Variants in C15orf40 observed in about 807,000 individuals in gnomAD.
The protein encoded by C15orf40 is UPF0235 protein C15orf40.
C15orf40 carries 9 observed loss-of-function variants against 13.9 expected under a neutral mutation model. That is an observed-to-expected ratio of 0.65 (90% CI 0.39 to 1.13). The LOEUF is 1.13. Ranked by LOEUF, C15orf40 falls within the 50% of genes most tolerant of loss-of-function variation. The probability of loss-of-function intolerance (pLI) is 0.01; values close to 1 mark genes in which losing one functional copy is unlikely to be tolerated. For synonymous variants in C15orf40, 95 were observed against 69.2 expected, an observed-to-expected ratio of 1.37 and a Z score of -1.85; for missense variants, 225 against 188.5, an observed-to-expected ratio of 1.19 and a Z score of -1.13.
intron 1 of C15orf40, 86 bp from the exon 2 acceptor site, chr15:83,010,449 T>C: frequency 1.3e-6 from 2 of 1,511,564 alleles, no homozygotes; most frequent in Non-Finnish European, 1.8e-6. Flanking sequence ...CCTTTCACCC[T>C]TAACAGACAA....
chr15:83,001,148 G>A lies in C15orf40; in HGVS notation c.*4449C>T. 2 of 985,458 alleles carry A rather than the reference G, an allele frequency of 2.0e-6. No homozygotes were observed. Among genetic ancestry groups the A allele is most frequent in the Non-Finnish European group, 2.4e-6 (2 of 829,962 alleles). The allele number at this position is 985,458 out of a possible 1,614,324, so 61.0% of individuals were successfully genotyped here. ...TGCAAAGGTTCCACCTTCATCCTCT[G>A]GTTATTGCTGTCCCTCCCCTAACCG... On this transcript the variant is annotated 3_prime_UTR_variant, in exon 4 of 4. Transcript: ENST00000304177.
In C15orf40 at chr15:83,004,642, C is replaced by A; in HGVS notation, c.*955G>T. On this transcript the variant is annotated 3_prime_UTR_variant, in exon 4 of 4. Coordinates refer to ENST00000304177, the MANE Select transcript of C15orf40 (RefSeq NM_144597.3). ...GGAAGATGAAAATTCAGTGACTTCT[C>A]AAAAATTATAATTCACATTTAATTA... 1.1e-6 allele frequency: 1 copy of A among 904,942 alleles called. No homozygotes were observed. Among genetic ancestry groups the A allele is most frequent in the Non-Finnish European group, 1.3e-6 (1 of 755,656 alleles). 56.1% of individuals were successfully genotyped at this position (904,942 alleles called of 1,614,324 possible).
In C15orf40 at chr15:83,008,695, G is replaced by A; in HGVS notation, c.239-20C>T. Reference sequence around the variant, plus strand: ...TCAAATCTGGAATGAAAATAGTGTGGACTTTATCCTTAAGGAGTTCTTTTT... The same window carrying A: ...TCAAATCTGGAATGAAAATAGTGTGAACTTTATCCTTAAGGAGTTCTTTTT... On this transcript the variant is annotated intron_variant, in intron 2 of 3. Coordinates refer to ENST00000304177, the MANE Select transcript of C15orf40 (RefSeq NM_144597.3). The A allele has an allele frequency of 1.6e-5, 25 of 1,580,846 alleles. No individual in the cohort carries two copies. Among genetic ancestry groups the A allele is most frequent in the African/African-American group, 2.7e-5 (2 of 73,058 alleles).
At position 83,005,670 on chromosome 15, in the gene C15orf40, AC is replaced by A. The variant is rs1427608084; in HGVS notation, c.388del (p.Val130TrpfsTer2). 4 of 1,612,150 alleles carry A rather than the reference AC, an allele frequency of 2.5e-6. No individual in the cohort carries two copies. The highest frequency in any genetic ancestry group is 3.4e-6 in the Non-Finnish European group (4 of 1,179,264). Reference protein sequence around the residue: ...LDKGGKSREKVVKLLASTTPE... With the variant: ...LDKGGKSREKXVKLLASTTPE... ...AGTTGTAGAAGCCAAAAGCTTCACC[AC>A]CTTTTCACGAGATTTACCACCCTGG... On this transcript the variant is annotated frameshift_variant, in exon 4 of 4. Coordinates refer to ENST00000304177, the MANE Select transcript of C15orf40 (RefSeq NM_144597.3). LOFTEE classifies it high-confidence loss of function.
chr15:82,990,743 T>G (rs561311740), downstream of C15orf40: 1 of 1,139,632 alleles, frequency 8.8e-7, no homozygotes, highest in East Asian at 2.6e-5. Context: ...ATACAAACAC[T>G]AAAGCTTTTT....
rs1567095613 is a variant in C15orf40, at chr15:83,010,221, C to G, written c.238+16G>C. 1.9e-6 allele frequency: 3 copies of G among 1,614,012 alleles called. No homozygotes were observed. The highest frequency in any genetic ancestry group is 8.5e-7 in the Non-Finnish European group (1 of 1,179,922). ...CCTGATTCACACTTGAATCCCACCC[C>G]AGTGTCCAGGTATACCTGTTACAGC... On this transcript the variant is annotated intron_variant, in intron 2 of 3. Transcript: ENST00000304177.
rs1449703711 is a variant in C15orf40 at position 83,002,363 on chromosome 15, G to A, written c.*3234C>T. On this transcript the variant is annotated 3_prime_UTR_variant, in exon 4 of 4. Coordinates refer to ENST00000304177, the MANE Select transcript of C15orf40 (RefSeq NM_144597.3). ...TAAATAGGTTATCGTAGTAGAAACT[G>A]GTGGTTCCTCTCCAGCATCCATTCC... The A allele has an allele frequency of 6.6e-6, 1 of 152,226 alleles. No individual in the cohort carries two copies. The highest frequency in any genetic ancestry group is 2.4e-5 in the African/African-American group (1 of 41,460). The allele number at this position is 152,226 out of a possible 1,614,324, so 9.4% of individuals were successfully genotyped here.
At chr15:83,011,395 G>T in intron 1 of C15orf40, 102 bp downstream of exon 1, 2 of 1,288,350 alleles carry the variant, frequency 1.6e-6, no homozygotes, top group East Asian at 2.9e-5. Flanking sequence ...ACGGCAAGCC[G>T]CTGGCAGTGC....
intron 2 of C15orf40, among the ~76,000 whole-genome samples, chr15:83,009,527 G>A (rs1567095271): frequency 6.6e-6 from 1 of 152,232 alleles, no homozygotes; most frequent in African/African-American, 2.4e-5. Context: ...CAGAGCTTTA[G>A]AGGTGAAAAA....
Position 83,005,327 on chromosome 15 carries a change from C to T in C15orf40, c.*270G>A. 1 of 939,966 alleles carries T rather than the reference C, an allele frequency of 1.1e-6. No individual in the cohort carries two copies. The highest frequency in any genetic ancestry group is 1.3e-6 in the Non-Finnish European group (1 of 774,240). 58.2% of individuals were successfully genotyped at this position (939,966 alleles called of 1,614,324 possible). ...GGGAGAGAGTTTCACTCTTGTTGCC[C>T]AGGCTGGAGTGCAACGGCGCGATCT... is the stretch of plus-strand genomic sequence containing the variant. On this transcript the variant is annotated 3_prime_UTR_variant, in exon 4 of 4. Coordinates refer to ENST00000304177, the MANE Select transcript of C15orf40 (RefSeq NM_144597.3).
chr15:82,991,401 C>T (rs377216121), downstream of C15orf40, among the ~76,000 whole-genome samples: 1 of 152,022 alleles, frequency 6.6e-6, no homozygotes, highest in Non-Finnish European at 1.5e-5. Context: ...AAAAATTAGC[C>T]GGGTGTGGTG....
At position 83,004,430 on chromosome 15, in the gene C15orf40, A is replaced by G. The variant is rs917214478; in HGVS notation, c.*1167T>C. 1.8e-5 allele frequency: 16 copies of G among 900,750 alleles called. No individual in the cohort carries two copies. The highest frequency in any genetic ancestry group is 6.6e-6 in the Non-Finnish European group (5 of 752,822). 55.8% of individuals were successfully genotyped at this position (900,750 alleles called of 1,614,324 possible). A position where few individuals can be genotyped will look rare whatever the true frequency, so the allele number is the denominator to read the frequency against. ...AAGGAAATTAATTTTATTTTCTTTAATAAATTACTATAACTTGACCTGAAG... is the reference window on the plus strand; with the variant it reads ...AAGGAAATTAATTTTATTTTCTTTAGTAAATTACTATAACTTGACCTGAAG... On this transcript the variant is annotated 3_prime_UTR_variant, in exon 4 of 4. Transcript: ENST00000304177.
rs144687209 is a variant in C15orf40 at position 83,001,137 on chromosome 15, C to T, written c.*4460G>A. ...TAGGTGTGCACTGCAAAGGTTCCACCTTCATCCTCTGGTTATTGCTGTCCC... is the reference window on the plus strand; with the variant it reads ...TAGGTGTGCACTGCAAAGGTTCCACTTTCATCCTCTGGTTATTGCTGTCCC... On this transcript the variant is annotated 3_prime_UTR_variant, in exon 4 of 4. Coordinates refer to ENST00000304177, the MANE Select transcript of C15orf40 (RefSeq NM_144597.3). The T allele has an allele frequency of 6.4e-4, 627 of 985,484 alleles. 5 individuals carry two copies. In the African/African-American group the frequency reaches 0.01, roughly 16 times the overall value. The allele number at this position is 985,484 out of a possible 1,614,324, so 61.0% of individuals were successfully genotyped here. A position where few individuals can be genotyped will look rare whatever the true frequency, so the allele number is the denominator to read the frequency against.
chr15:83,011,373 C>G (rs1199080664), intron 1 of C15orf40, 124 bp downstream of exon 1: 1 of 1,158,140 alleles, frequency 8.6e-7, no homozygotes, highest in African/African-American at 1.6e-5. Context: ...TCCTGAGCCC[C>G]GGAACTGAGA....
chr15:83,005,970 G>T (rs572602654), intron 3 of C15orf40, among the ~76,000 whole-genome samples: 1 of 152,174 alleles, frequency 6.6e-6, no homozygotes, highest in South Asian at 2.1e-4. Context: ...GGTGGCTCAC[G>T]CCTGTAATCC....
chr15:82,991,999 T>C (rs1161153531), downstream of C15orf40: 1 of 1,051,552 alleles, frequency 9.5e-7, no homozygotes, highest in Non-Finnish European at 1.3e-6. Context: ...GAAGATCACT[T>C]GAAGCCAGGA....
chr15:82,993,264 A>C (rs1175311277), downstream of C15orf40, among the ~76,000 whole-genome samples: 1 of 152,218 alleles, frequency 6.6e-6, no homozygotes, highest in Non-Finnish European at 1.5e-5. Context: ...AGTAGGACAC[A>C]ATAGGTGCTG....
At chr15:82,992,730 T>G (rs2030914022), downstream of C15orf40, among the ~76,000 whole-genome samples, 1 of 152,192 alleles carries the variant, frequency 6.6e-6, no homozygotes, top group Admixed American at 6.5e-5. Context: ...ATTTAAATGT[T>G]TTAACACCCA....
chr15:83,008,646 T>C lies in C15orf40; in HGVS notation c.268A>G (p.Ile90Val). The change falls in exon 3 of 4, where the codon ATT becomes GTT. Residue 90 changes from isoleucine to valine, a missense_variant. Transcript: ENST00000304177. ...TCTCCCTCTGATGGAGGTGCTGCAA[T>C]AGCTACATTTACAGCCTCTGCTGTC... ...DLTAEAVNVA[I>V]AAPPSEGEAN... The C allele has an allele frequency of 1.2e-6, 2 of 1,612,044 alleles. No homozygotes were observed. The highest frequency in any genetic ancestry group is 1.7e-6 in the Non-Finnish European group (2 of 1,179,184).
Sources: gnomAD v4.1 joint callset for allele counts (sites outside exome capture counted in the v4.1 genomes callset) on GRCh38, gnomAD v4.1.1 for gene constraint, MANE v1.5 for transcripts, NCBI Gene and HGNC (gene_info 2026-07-23, HGNC 2026-07-21) for gene names.